The following LCT variants were observed in gnomAD, a reference collection of about 807,000 sequenced individuals.
The protein encoded by LCT is lactase, also known as lactase/phlorizin hydrolase.
A neutral mutation model predicts 173.0 loss-of-function variants in LCT; 90 were observed. The ratio of observed to expected loss-of-function variants is 0.52; its 90% confidence interval spans 0.44 to 0.62. The LOEUF is 0.62. Among genes scored for constraint, LCT ranks in the 20% least tolerant of loss-of-function variants. LCT has a pLI of 0.00. For synonymous variants in LCT, 853 were observed against 957.6 expected (o/e 0.89, Z 2.02); for missense variants, 1,864 against 2,431.4 (o/e 0.77, Z 4.91).
In LCT at chr2:135,809,122, G is replaced by A; in HGVS notation, c.3225C>T (p.Gly1075=). 3 of 1,614,150 alleles carry A rather than the reference G, an allele frequency of 1.9e-6. No homozygotes were observed. Among genetic ancestry groups the A allele is most frequent in the Non-Finnish European group, 2.5e-6 (3 of 1,180,034 alleles). ...TCACCCCTGGGGGAAATTCCCCTGAGCCATAACCTAGCCATGCCAGGTACA... is the reference window on the plus strand; with the variant it reads ...TCACCCCTGGGGGAAATTCCCCTGAACCATAACCTAGCCATGCCAGGTACA... The part of the protein sequence containing the change: ...EPMYLAWLGY[G]SGEFPPGVKD... The change falls in exon 8 of 17, where the codon GGC becomes GGT. Residue 1075 remains glycine (G), a synonymous_variant. Coordinates refer to ENST00000264162, the MANE Select transcript of LCT (RefSeq NM_002299.4). This position sits in a 1 kb window ranked among gnomAD's most constrained non-coding sequence, Gnocchi z 5.5.
rs1302881284 is a variant in LCT, at chr2:135,809,822, A to G, written c.2525T>C (p.Ile842Thr). The change falls in exon 8 of 17, where the codon ATA becomes ACA. Residue 842 changes from isoleucine (I) to threonine (T), a missense_variant. This residue lies in a region of LCT where 755 missense variants were observed against 926.3 expected (regional missense o/e 0.82). Transcript: ENST00000264162. The surrounding 1 kb of genome is among the most constrained non-coding windows in gnomAD (Gnocchi z 5.5). The part of the protein sequence containing the change: ...RKSAYFFTSI[I>T]EKNGFLTKGA... ...CTTGGTGAGGAAACCGTTCTTTTCT[A>G]TGATGCTAGTGAAAAAGTAGGCAGA... is the stretch of plus-strand genomic sequence containing the variant. The G allele has an allele frequency of 6.2e-7, 1 of 1,614,008 alleles. No individual in the cohort carries two copies. Among genetic ancestry groups the G allele is most frequent in the Non-Finnish European group, 8.5e-7 (1 of 1,180,018 alleles).
chr2:135,827,134 A>C (rs2077895325), intron 3 of LCT, among the ~76,000 whole-genome samples: 1 of 151,956 alleles, frequency 6.6e-6, no homozygotes, highest in Non-Finnish European at 1.5e-5. Flanking sequence ...TCGTGCCACT[A>C]TACTTGGTTA....
At chr2:135,823,320 C>T (rs2077852945) in intron 4 of LCT, among the ~76,000 whole-genome samples, 1 of 152,218 alleles carries the variant, frequency 6.6e-6, no homozygotes, top group Non-Finnish European at 1.5e-5. Flanking sequence ...CACCTTTCCC[C>T]TGACTTGATT....
At chr2:135,788,899 C>A (rs944525919) in intron 16 of LCT, among the ~76,000 whole-genome samples, 6 of 152,086 alleles carry the variant, frequency 3.9e-5, no homozygotes, top group African/African-American at 1.4e-4. Flanking sequence ...ATATGAAATT[C>A]ATATATGTTT....
chr2:135,834,808 A>AAAAAAAAG lies in LCT; in HGVS notation c.641-1619_641-1618insCTTTTTTT, dbSNP rs1222170749. On this transcript the variant is annotated intron_variant, in intron 1 of 16. Transcript: ENST00000264162. ...ATCTCAAAAAAAAAAAAAAAAAAAA[A>AAAAAAAAG]AAGAAGAAGAAAAAAATGTTTAACG... Among the ~76,000 whole-genome samples the AAAAAAAAG allele has an allele frequency of 1.4e-3, 188 of 138,260 alleles. 3 individuals carry two copies. Among genetic ancestry groups the AAAAAAAAG allele is most frequent in the Admixed American group, 9.9e-3 (127 of 12,782 alleles). 90.7% of individuals were successfully genotyped at this position (138,260 alleles called of 152,430 possible). A position where few individuals can be genotyped will look rare whatever the true frequency, so the allele number is the denominator to read the frequency against.
intron 8 of LCT, 120 bp from the exon 9 acceptor site, chr2:135,807,516 T>C: frequency 3.3e-6 from 3 of 895,598 alleles, no homozygotes; most frequent in Non-Finnish European, 5.6e-6. Flanking sequence ...ACATACACCC[T>C]GAGAGACCAA....
chr2:135,804,255 AT>A (rs1454166762), intron 10 of LCT, 127 bp from the exon 11 acceptor site: 34 of 794,178 alleles, frequency 4.3e-5, no homozygotes, highest in Non-Finnish European at 6.8e-5. Context: ...AGGCTCAAAG[AT>A]TTTTTTCTTT....
At chr2:135,819,417 T>C (rs975499344) in intron 5 of LCT, among the ~76,000 whole-genome samples, 1 of 151,284 alleles carries the variant, frequency 6.6e-6, no homozygotes. Flanking sequence ...CCTTGAGGAG[T>C]GTGGCACATG....
chr2:135,824,582 A>G (rs1384246598), intron 3 of LCT, among the ~76,000 whole-genome samples: 1 of 152,210 alleles, frequency 6.6e-6, no homozygotes, highest in African/African-American at 2.4e-5. Context: ...TTTGGGAGAT[A>G]GAAGTTATAG....
chr2:135,822,690 T>A (rs7579771), intron 4 of LCT: 70,783 of 157,946 alleles, frequency 0.45, 18,864 homozygotes, highest in Middle Eastern at 0.76. Context: ...AGCCAACCCA[T>A]TGCTGGGATG....
rs2077956433 is a variant in LCT, at chr2:135,833,479, C to T, written c.641-289G>A. Among the ~76,000 whole-genome samples the T allele has an allele frequency of 2.2e-5, 3 of 135,300 alleles. No homozygotes were observed. In the South Asian group the frequency reaches 7.0e-4, roughly 32 times the overall value. 88.8% of individuals were successfully genotyped at this position (135,300 alleles called of 152,430 possible). A position where few individuals can be genotyped will look rare whatever the true frequency, so the allele number is the denominator to read the frequency against. ...TTTTTTTTTTTGAGACGGAGTCTCG[C>T]TCCGTCGCCCAGGCTGGAGTGCAGT... On this transcript the variant is annotated intron_variant, in intron 1 of 16. Coordinates refer to ENST00000264162, the MANE Select transcript of LCT (RefSeq NM_002299.4).
chr2:135,794,293 C>T (rs908723132), intron 14 of LCT: 2 of 221,580 alleles, frequency 9.0e-6, no homozygotes, highest in Non-Finnish European at 1.8e-5. Flanking sequence ...TTTGATAAAA[C>T]CTAAACAATT....
rs763189184 is a variant in LCT at position 135,788,339 on chromosome 2, CG to C, written c.5768del (p.Pro1923ArgfsTer14). 6.2e-6 allele frequency: 10 copies of C among 1,613,096 alleles called. No individual in the cohort carries two copies. The highest frequency in any genetic ancestry group is 8.5e-6 in the Non-Finnish European group (10 of 1,179,404). ...KTQRSQQELS[P>X]VSSF ...TGGTAACTCATCAGAATGAAGACACCGGGCTCAATTCCTGTTGGCTTCGTTG... is the reference window on the plus strand; with the variant it reads ...TGGTAACTCATCAGAATGAAGACACCGGCTCAATTCCTGTTGGCTTCGTTG... On this transcript the variant is annotated frameshift_variant, in exon 17 of 17. Coordinates refer to ENST00000264162, the MANE Select transcript of LCT (RefSeq NM_002299.4). LOFTEE classifies it high-confidence loss of function.
intron 5 of LCT, among the ~76,000 whole-genome samples, chr2:135,821,129 C>T (rs2077825584): frequency 1.3e-5 from 2 of 152,192 alleles, no homozygotes; most frequent in South Asian, 4.1e-4. Context: ...GATCCACCCG[C>T]CTCAGCCTCC....
intron 6 of LCT, among the ~76,000 whole-genome samples, chr2:135,815,009 A>C (rs1455439495): frequency 2.0e-5 from 3 of 152,120 alleles, no homozygotes; most frequent in Admixed American, 6.5e-5. Flanking sequence ...TGTCCTTATA[A>C]GAAAAGATAC....
chr2:135,834,510 G>C (rs80335569), intron 1 of LCT, among the ~76,000 whole-genome samples: 1 of 146,110 alleles, frequency 6.8e-6, no homozygotes, highest in Non-Finnish European at 1.5e-5. Flanking sequence ...GTTTAAGGCC[G>C]GGCGTGGTGG....
At chr2:135,808,320 T>C in intron 8 of LCT, 123 bp downstream of exon 8, 1 of 856,292 alleles carries the variant, frequency 1.2e-6, no homozygotes. Context: ...TAAAGAATTA[T>C]GGAGTTGGGA....
chr2:135,815,411 C>T (rs1270384250), intron 6 of LCT, among the ~76,000 whole-genome samples: 1 of 152,164 alleles, frequency 6.6e-6, no homozygotes, highest in East Asian at 1.9e-4. Context: ...TTCAAACCTT[C>T]CATTTTCAGA....
chr2:135,795,130 ATGAC>A (rs1346267009), intron 13 of LCT, among the ~76,000 whole-genome samples: 1 of 152,162 alleles, frequency 6.6e-6, no homozygotes, highest in African/African-American at 2.4e-5. Context: ...TTTAGCATCT[ATGAC>A]AGATTTCAAA....
Sources: allele counts gnomAD v4.1 joint callset (sites outside exome capture counted in the v4.1 genomes callset), GRCh38; gene constraint gnomAD v4.1.1; regional missense constraint gnomAD v4.1.1; non-coding constraint Gnocchi (gnomAD v3.1); transcripts MANE v1.5; gene names NCBI Gene and HGNC (gene_info 2026-07-23, HGNC 2026-07-21).